SFMBT2: variants seen among roughly 807,000 people sequenced by gnomAD.
SFMBT2 encodes the protein Scm like with four mbt domains 2, also known as scm-like with four MBT domains protein 2.
SFMBT2 carries 38 observed loss-of-function variants against 110.1 expected under a neutral mutation model. The observed-to-expected ratio is 0.35, with a 90% confidence interval of 0.27 to 0.45. The LOEUF is 0.45. SFMBT2 is among the 20% of genes least tolerant of loss of function. The pLI is 1.00. For missense variants in SFMBT2, 1,011 were observed against 1,094.9 expected, an observed-to-expected ratio of 0.92 and a Z score of 1.08; for synonymous variants, 425 against 425.4, an observed-to-expected ratio of 1.00 and a Z score of 0.01.
At chr10:7,184,291 T>C (rs1766731516) in intron 16 of SFMBT2, among the ~76,000 whole-genome samples, 1 of 152,164 alleles carries the variant, frequency 6.6e-6, no homozygotes, top group African/African-American at 2.4e-5. Flanking sequence ...AACTGAATCA[T>C]GGGGCAGTTT....
At position 7,171,679 on chromosome 10, in the gene SFMBT2, G is replaced by A. The variant is rs537562796; in HGVS notation, c.2415+216C>T. The A allele has an allele frequency of 4.4e-5, 32 of 732,884 alleles. No individual in the cohort carries two copies. Among genetic ancestry groups the A allele is most frequent in the Admixed American group, 6.3e-5 (1 of 15,934 alleles). 45.4% of individuals were successfully genotyped at this position (732,884 alleles called of 1,614,324 possible). A position where few individuals can be genotyped will look rare whatever the true frequency, so the allele number is the denominator to read the frequency against. ...CACTAAAGCCGTCCAGGAAAGAGGC[G>A]CTGTCTCCACCCTGGGCACTCCATT... On this transcript the variant is annotated intron_variant, in intron 19 of 20. Transcript: ENST00000397167. This position sits in a 1 kb window ranked among gnomAD's most constrained non-coding sequence, Gnocchi z 4.9.
At chr10:7,312,844 C>G (rs943703811) in intron 4 of SFMBT2, among the ~76,000 whole-genome samples, 1 of 152,112 alleles carries the variant, frequency 6.6e-6, no homozygotes, top group Admixed American at 6.5e-5. Context: ...ACCAGGTAAA[C>G]AGACAATATA....
At chr10:7,404,223 T>C (rs1246830766) in intron 1 of SFMBT2, among the ~76,000 whole-genome samples, 3 of 152,214 alleles carry the variant, frequency 2.0e-5, no homozygotes, top group Non-Finnish European at 4.4e-5. Flanking sequence ...AATCCAAATG[T>C]CCCATTCCTT....
chr10:7,386,306 G>C (rs10795543), intron 1 of SFMBT2, among the ~76,000 whole-genome samples: 47,897 of 152,016 alleles, frequency 0.32, 8,020 homozygotes, highest in South Asian at 0.59. Flanking sequence ...TATTATGGTG[G>C]GGAAAAAATT....
At chr10:7,215,630 GA>G (rs2131637118) in intron 11 of SFMBT2, 1 of 985,336 alleles carries the variant, frequency 1.0e-6, no homozygotes, top group South Asian at 4.7e-5. Context: ...CACATCCATG[GA>G]GGCAGGGCCC....
chr10:7,236,511 G>C (rs1840260795), intron 9 of SFMBT2, among the ~76,000 whole-genome samples: 1 of 152,188 alleles, frequency 6.6e-6, no homozygotes, highest in South Asian at 2.1e-4. Flanking sequence ...CCATGACAGT[G>C]GTGGCATTAT....
rs939765031 is a variant in SFMBT2, at chr10:7,408,290, C to T, written c.-52+2571G>A. ...CGGACGCGTCCTGGCCGGCGTGTCGCCATCGTTCAGCCTCGCTGCCCAGGT... is the reference window on the plus strand; with the variant it reads ...CGGACGCGTCCTGGCCGGCGTGTCGTCATCGTTCAGCCTCGCTGCCCAGGT... On this transcript the variant is annotated intron_variant, in intron 1 of 20. Transcript: ENST00000397167. The surrounding 1 kb of genome is among the most constrained non-coding windows in gnomAD (Gnocchi z 5.7). 6.6e-5 allele frequency among the ~76,000 whole-genome samples: 10 copies of T among 152,170 alleles called. No individual in the cohort carries two copies. The highest frequency in any genetic ancestry group is 2.4e-4 in the African/African-American group (10 of 41,444).
chr10:7,287,133 G>GT (rs1206260501), intron 4 of SFMBT2, among the ~76,000 whole-genome samples: 2 of 147,570 alleles, frequency 1.4e-5, no homozygotes, highest in Non-Finnish European at 3.0e-5. Context: ...CCAGGCTGGA[G>GT]GCAGTGGCGG....
At chr10:7,245,106 T>C (rs965638742) in intron 8 of SFMBT2, among the ~76,000 whole-genome samples, 1 of 152,124 alleles carries the variant, frequency 6.6e-6, no homozygotes, top group Non-Finnish European at 1.5e-5. Flanking sequence ...CACCAAGGCC[T>C]CCTGGGGTCC....
chr10:7,161,934 A>C lies in SFMBT2; in HGVS notation c.*1836T>G, dbSNP rs1465077852. 3 of 152,190 alleles carry C rather than the reference A, an allele frequency of 2.0e-5. No homozygotes were observed. Among genetic ancestry groups the C allele is most frequent in the African/African-American group, 7.2e-5 (3 of 41,440 alleles). 9.4% of individuals were successfully genotyped at this position (152,190 alleles called of 1,614,324 possible). A position where few individuals can be genotyped will look rare whatever the true frequency, so the allele number is the denominator to read the frequency against. Reference sequence around the variant, plus strand: ...GACGAGCTCAAGGTGATTGTGGTGAAAAAGCAGGAAGGGTGAGAAGCCTCT... The same window carrying C: ...GACGAGCTCAAGGTGATTGTGGTGACAAAGCAGGAAGGGTGAGAAGCCTCT... On this transcript the variant is annotated 3_prime_UTR_variant, in exon 21 of 21. Coordinates refer to ENST00000397167, the MANE Select transcript of SFMBT2 (RefSeq NM_001387889.1).
rs547503812 is a variant in SFMBT2, at chr10:7,255,610, C to T, written c.871-6961G>A. 1.5e-3 allele frequency among the ~76,000 whole-genome samples: 236 copies of T among 152,322 alleles called. 1 individual carries two copies. Among genetic ancestry groups the T allele is most frequent in the African/African-American group, 5.4e-3 (226 of 41,572 alleles). ...TTTATTGGAAGACTGTCTTCACAGG[C>T]TACTGTGGCAATGTCTCTTCAGGGA... On this transcript the variant is annotated intron_variant, in intron 7 of 20. Transcript: ENST00000397167.
At chr10:7,388,667 C>A (rs1845686906) in intron 1 of SFMBT2, among the ~76,000 whole-genome samples, 1 of 151,602 alleles carries the variant, frequency 6.6e-6, no homozygotes, top group South Asian at 2.1e-4. Context: ...TGAGCCACCA[C>A]ACCCCACCAG....
intron 4 of SFMBT2, among the ~76,000 whole-genome samples, chr10:7,304,034 G>A (rs1327000245): frequency 6.6e-6 from 1 of 152,178 alleles, no homozygotes; most frequent in Admixed American, 6.5e-5. Flanking sequence ...CTGCATGGGC[G>A]AGGTGGGCCA....
chr10:7,369,610 T>C (rs1180813024), intron 3 of SFMBT2, among the ~76,000 whole-genome samples: 1 of 152,238 alleles, frequency 6.6e-6, no homozygotes, highest in African/African-American at 2.4e-5. Flanking sequence ...GTTCCTCTAA[T>C]CTGACTCATC....
At chr10:7,190,379 A>G (rs1838559694) in intron 15 of SFMBT2, among the ~76,000 whole-genome samples, 1 of 152,266 alleles carries the variant, frequency 6.6e-6, no homozygotes. Context: ...AGAAAACCCC[A>G]GAGCTGCATG....
intron 4 of SFMBT2, among the ~76,000 whole-genome samples, chr10:7,366,289 C>T (rs1406509018): frequency 6.6e-6 from 1 of 152,080 alleles, no homozygotes; most frequent in Non-Finnish European, 1.5e-5. Context: ...TGGGTTCGAT[C>T]CTGACAAATG....
At chr10:7,287,528 G>C (rs746575937) in intron 4 of SFMBT2, among the ~76,000 whole-genome samples, 1 of 152,114 alleles carries the variant, frequency 6.6e-6, no homozygotes, top group Non-Finnish European at 1.5e-5. Flanking sequence ...CTGCATCCCT[G>C]AGGGACCTGA....
chr10:7,382,636 A>C, intron 1 of SFMBT2, among the ~76,000 whole-genome samples: 1 of 149,572 alleles, frequency 6.7e-6, no homozygotes, highest in Non-Finnish European at 1.5e-5. Flanking sequence ...AGCAACCTCC[A>C]CCCCCCACAC....
At position 7,203,590 on chromosome 10, in the gene SFMBT2, T is replaced by C. The variant is rs1268186213; in HGVS notation, c.1445-1068A>G. On this transcript the variant is annotated intron_variant, in intron 12 of 20. Coordinates refer to ENST00000397167, the MANE Select transcript of SFMBT2 (RefSeq NM_001387889.1). ...CCATGTGAAGAGGGGAGGAAGAGGA[T>C]CTAGGACACCAGGTTCTGTTTGAGG... The C allele has an allele frequency of 6.2e-6, 4 of 648,698 alleles. No homozygotes were observed. The African/African-American group carries it at 7.9e-5, about 13-fold the overall frequency. The allele number at this position is 648,698 out of a possible 1,614,324, so 40.2% of individuals were successfully genotyped here.
Sources: allele counts gnomAD v4.1 joint callset (sites outside exome capture counted in the v4.1 genomes callset), GRCh38; gene constraint gnomAD v4.1.1; non-coding constraint Gnocchi (gnomAD v3.1); transcripts MANE v1.5; gene names NCBI Gene and HGNC (gene_info 2026-07-23, HGNC 2026-07-21).